The following MASTL variants were observed in gnomAD, a reference collection of about 807,000 sequenced individuals.
MASTL encodes microtubule associated serine/threonine kinase like.
Under a neutral mutation model 82.5 loss-of-function variants are expected in MASTL, and 54 were observed. The ratio of observed to expected loss-of-function variants is 0.65; its 90% CI spans 0.53 to 0.82. The LOEUF (loss-of-function observed/expected upper bound fraction) is 0.82. Among genes scored for constraint, MASTL ranks in the 40% least tolerant of loss-of-function variants. The pLI is 0.00. For synonymous variants in MASTL, 323 were observed against 368.9 expected (o/e 0.88, Z 1.43); for missense variants, 950 against 1,047.8 (o/e 0.91, Z 1.29).
intron 11 of MASTL, among the ~76,000 whole-genome samples, chr10:27,185,581 C>T (rs1283444991): frequency 4.5e-5 from 6 of 132,222 alleles, no homozygotes; most frequent in Non-Finnish European, 6.3e-5. Context: ...TGCAGTGAGC[C>T]GAGATTGTGC....
chr10:27,173,219 A>C lies in MASTL; in HGVS notation c.2226A>C (p.Pro742=). ...ATGATGGGCGAATTCTAGGAACCCC[A>C]GACTACCTTGCACCTGAGCTGTTAC... ...PVDDGRILGT[P]DYLAPELLLG... Residue 742 remains proline (P), a synonymous_variant, in exon 9 of 12, where the codon CCA becomes CCC. Transcript: ENST00000375940. The C allele has an allele frequency of 6.2e-7, 1 of 1,614,190 alleles. No homozygotes were observed.
intron 9 of MASTL, among the ~76,000 whole-genome samples, chr10:27,178,392 T>C (rs1037033242): frequency 3.8e-5 from 2 of 52,516 alleles, no homozygotes. Flanking sequence ...CGAGACTCCA[T>C]CTCAAAAAAA....
rs2058762592 is a variant in MASTL at position 27,186,541 on chromosome 10, A to G, written c.*5A>G. The G allele has an allele frequency of 1.2e-6, 2 of 1,613,780 alleles. No homozygotes were observed. The highest frequency in any genetic ancestry group is 1.7e-4 in the Middle Eastern group (1 of 6,060). ...GTATCTGGATTTAGTCTGTAGCACA[A>G]AAATTTTCCTTTTAGTCTAGCCTTG... On this transcript the variant is annotated 3_prime_UTR_variant, in exon 12 of 12. Transcript: ENST00000375940.
intron 9 of MASTL, among the ~76,000 whole-genome samples, chr10:27,175,421 A>G (rs2058073609): frequency 6.6e-6 from 1 of 151,942 alleles, no homozygotes; most frequent in South Asian, 2.1e-4. Context: ...ACCTCAGGTG[A>G]TCTGCCTGCC....
Position 27,159,728 on chromosome 10 carries a change from A to T in MASTL, c.434A>T (p.Asp145Val). ...ATTTCTGAAGTAGCACTGGCTCTAGACTACCTTCACAGACATGGAATCATC... is the reference window on the plus strand; with the variant it reads ...ATTTCTGAAGTAGCACTGGCTCTAGTCTACCTTCACAGACATGGAATCATC... ...KYISEVALAL[D>V]YLHRHGIIHR... Residue 145 changes from aspartate (D) to valine (V), a missense_variant, in exon 3 of 12, where the codon GAC becomes GTC. Asp to Val is a radical substitution (Grantham distance 152). Transcript: ENST00000375940. The surrounding 1 kb of genome is among the most constrained non-coding windows in gnomAD (Gnocchi z 4.0). 3 of 1,612,112 alleles carry T rather than the reference A, an allele frequency of 1.9e-6. No homozygotes were observed. Among genetic ancestry groups the T allele is most frequent in the South Asian group, 2.2e-5 (2 of 91,038 alleles).
chr10:27,182,176 G>A (rs1476212169), intron 11 of MASTL, among the ~76,000 whole-genome samples: 1 of 151,570 alleles, frequency 6.6e-6, no homozygotes, highest in East Asian at 1.9e-4. Flanking sequence ...GCTTCAACCC[G>A]GGAGGCGGAC....
intron 9 of MASTL, among the ~76,000 whole-genome samples, chr10:27,177,621 TTGTC>T (rs973811181): frequency 2.6e-5 from 4 of 152,176 alleles, no homozygotes; most frequent in Non-Finnish European, 5.9e-5. Flanking sequence ...TGTGTTAAAA[TTGTC>T]TGTATTGTCT....
intron 8 of MASTL, among the ~76,000 whole-genome samples, chr10:27,171,297 C>G (rs562005337): frequency 6.6e-6 from 1 of 151,860 alleles, no homozygotes; most frequent in African/African-American, 2.4e-5. Flanking sequence ...CCATTTGTGT[C>G]GTTTTATGTA....
rs192737441 is a variant in MASTL, at chr10:27,187,910, A to G, written c.*1374A>G. Reference sequence around the variant, plus strand: ...GAAACAGATTGGTCCTTAAAAAACAAAACATAATTTTCTTTTGCTTAATAA... The same window carrying G: ...GAAACAGATTGGTCCTTAAAAAACAGAACATAATTTTCTTTTGCTTAATAA... On this transcript the variant is annotated 3_prime_UTR_variant, in exon 12 of 12. Transcript: ENST00000375940. Among the ~76,000 whole-genome samples, 6 of 152,346 alleles carry G rather than the reference A, an allele frequency of 3.9e-5. No individual in the cohort carries two copies. Among genetic ancestry groups the G allele is most frequent in the Admixed American group, 6.5e-5 (1 of 15,300 alleles).
rs1246323857 is a variant in MASTL at position 27,164,955 on chromosome 10, C to T, written c.554-109C>T. 3.9e-6 allele frequency: 3 copies of T among 761,248 alleles called. No homozygotes were observed. In the African/African-American group the frequency reaches 5.2e-5, roughly 13 times the overall value. The allele number at this position is 761,248 out of a possible 1,614,324, so 47.2% of individuals were successfully genotyped here. A position where few individuals can be genotyped will look rare whatever the true frequency, so the allele number is the denominator to read the frequency against. ...GCCCAGCCACTGTCTCCTTTTTTAA[C>T]ATTTGGTTTACAAAAAATTGTTTTG... On this transcript the variant is annotated intron_variant, in intron 4 of 11. Transcript: ENST00000375940.
intron 1 of MASTL, 152 bp downstream of exon 1, chr10:27,155,764 T>G: frequency 4.8e-6 from 4 of 840,810 alleles, no homozygotes; most frequent in Non-Finnish European, 7.8e-6. Flanking sequence ...TGACTTCTTT[T>G]TGGGGCGACA....
rs2136067727 is a variant in MASTL, at chr10:27,170,352, T to C, written c.1393T>C (p.Cys465Arg). Residue 465 changes from cysteine (C) to arginine (R), a missense_variant, in exon 8 of 12, where the codon TGT becomes CGT. Physicochemically the swap from Cys to Arg is radical, Grantham distance 180. Transcript: ENST00000375940. ...CKKIIQNKKT[C>R]VEYKHNEMTN... Reference sequence around the variant, plus strand: ...AAAAATTATACAGAATAAAAAAACTTGTGTAGAGTATAAGCATAACGAAAT... The same window carrying C: ...AAAAATTATACAGAATAAAAAAACTCGTGTAGAGTATAAGCATAACGAAAT... 9.3e-6 allele frequency: 15 copies of C among 1,613,620 alleles called. No homozygotes were observed. The highest frequency in any genetic ancestry group is 1.2e-5 in the Non-Finnish European group (14 of 1,179,752).
intron 8 of MASTL, among the ~76,000 whole-genome samples, chr10:27,171,821 G>GTTTTTTT (rs1176510939): frequency 2.8e-5 from 2 of 71,212 alleles, no homozygotes; most frequent in South Asian, 4.0e-4. Context: ...TGAAAAATAT[G>GTTTTTTT]TTTCTTTTTT....
chr10:27,154,512 A>G (rs2135924652), upstream of MASTL: 4 of 512,734 alleles, frequency 7.8e-6, no homozygotes, highest in Middle Eastern at 5.3e-4. Context: ...AGCGCCCCCA[A>G]AGGTCTTTAG....
chr10:27,168,424 T>C (rs2057807733), intron 7 of MASTL, among the ~76,000 whole-genome samples: 1 of 152,190 alleles, frequency 6.6e-6, no homozygotes, highest in Non-Finnish European at 1.5e-5. Flanking sequence ...TCTCAAGTTA[T>C]GATCAGAGGA....
chr10:27,167,330 G>A, intron 7 of MASTL, 56 bp downstream of exon 7: 1 of 1,395,108 alleles, frequency 7.2e-7, no homozygotes, highest in Non-Finnish European at 1.0e-6. Context: ...ATGAATGTGA[G>A]AAATATTATA....
chr10:27,176,052 G>A lies in MASTL; in HGVS notation c.2266+2793G>A, dbSNP rs574390320. Among the ~76,000 whole-genome samples, 14 of 151,022 alleles carry A rather than the reference G, an allele frequency of 9.3e-5. No individual in the cohort carries two copies. The East Asian group carries it at 2.1e-3, about 23-fold the overall frequency. On this transcript the variant is annotated intron_variant, in intron 9 of 11. Coordinates refer to ENST00000375940, the MANE Select transcript of MASTL (RefSeq NM_001172303.3). Reference sequence around the variant, plus strand: ...GCGGAGGTTGCAGTGAGCCAAGATCGTGCCACTGCACTCCAGCCTGGGTGA... The same window carrying A: ...GCGGAGGTTGCAGTGAGCCAAGATCATGCCACTGCACTCCAGCCTGGGTGA...
At chr10:27,161,449 C>T (rs923697783) in intron 4 of MASTL, among the ~76,000 whole-genome samples, 1 of 151,096 alleles carries the variant, frequency 6.6e-6, no homozygotes, top group Admixed American at 6.6e-5. Flanking sequence ...ATGGAGGTTG[C>T]AGTGAGCTGA....
chr10:27,181,391 C>CA (rs1264735998), intron 10 of MASTL, 89 bp from the exon 11 acceptor site: 6 of 1,040,640 alleles, frequency 5.8e-6, no homozygotes, highest in Non-Finnish European at 8.7e-6. Flanking sequence ...AACTCCATCT[C>CA]AAAAAACAAA....
Sources: allele counts gnomAD v4.1 joint callset (sites outside exome capture counted in the v4.1 genomes callset), GRCh38; gene constraint gnomAD v4.1.1; non-coding constraint Gnocchi (gnomAD v3.1); transcripts MANE v1.5; gene names NCBI Gene and HGNC (gene_info 2026-07-23, HGNC 2026-07-21).